The following ACACA variants were observed in gnomAD, a reference collection of about 807,000 sequenced individuals.
The protein encoded by ACACA is acetyl-CoA carboxylase alpha, also known as acetyl-CoA carboxylase 1.
Under a neutral mutation model 296.1 loss-of-function variants are expected in ACACA, and 103 were observed. The ratio of observed to expected loss-of-function variants is 0.35; its 90% CI spans 0.30 to 0.41. ACACA has a LOEUF of 0.41. ACACA is among the 10% of genes least tolerant of loss of function. The pLI is 1.00. For synonymous variants in ACACA, 953 were observed against 1,038.6 expected (o/e 0.92, Z 1.58); for missense variants, 1,554 against 2,989.7 (o/e 0.52, Z 11.20).
At position 37,275,310 on chromosome 17, in the gene ACACA, A is replaced by G. The variant is rs1273147553; in HGVS notation, c.901+641T>C. On this transcript the variant is annotated intron_variant, in intron 8 of 55. Transcript: ENST00000616317. Reference sequence around the variant, plus strand: ...CAGGAGTTCAACACCAGCCTGGCCAAGATGGTGAAAGCCTGTCTCTACAAA... The same window carrying G: ...CAGGAGTTCAACACCAGCCTGGCCAGGATGGTGAAAGCCTGTCTCTACAAA... Among the ~76,000 whole-genome samples, 5 of 152,136 alleles carry G rather than the reference A, an allele frequency of 3.3e-5. No individual in the cohort carries two copies. The East Asian group carries it at 9.7e-4, about 29-fold the overall frequency.
chr17:37,329,935 C>T (rs1489744516), intron 3 of ACACA, among the ~76,000 whole-genome samples: 1 of 151,516 alleles, frequency 6.6e-6, no homozygotes, highest in African/African-American at 2.4e-5. Context: ...AGCAAGACTC[C>T]GTCTCAAAAA....
At position 37,085,991 on chromosome 17, in the gene ACACA, G is replaced by T. The variant is rs2072172192; in HGVS notation, c.*1325C>A. On this transcript the variant is annotated 3_prime_UTR_variant, in exon 56 of 56. Transcript: ENST00000616317. ...AGAGGAATCAGTAAGTTCTTTTCTT[G>T]AATAAACTAGTTGTTGAAAGTAAAC... The T allele has an allele frequency of 2.6e-6, 1 of 387,796 alleles. No homozygotes were observed. The highest frequency in any genetic ancestry group is 4.6e-6 in the Non-Finnish European group (1 of 218,904). The allele number at this position is 387,796 out of a possible 1,614,324, so 24.0% of individuals were successfully genotyped here.
Position 37,086,943 on chromosome 17 carries a change from T to G in ACACA, c.*373A>C. On this transcript the variant is annotated 3_prime_UTR_variant, in exon 56 of 56. Coordinates refer to ENST00000616317, the MANE Select transcript of ACACA (RefSeq NM_198834.3). ...GGGGGGCTGCTCACTGCTGGGCAACTCCTCACGCTTCCCCATGCTGGGAGG... is the reference window on the plus strand; with the variant it reads ...GGGGGGCTGCTCACTGCTGGGCAACGCCTCACGCTTCCCCATGCTGGGAGG... 2.9e-6 allele frequency: 1 copy of G among 346,614 alleles called. No homozygotes were observed. The highest frequency in any genetic ancestry group is 5.6e-6 in the Non-Finnish European group (1 of 178,614). The allele number at this position is 346,614 out of a possible 1,614,324, so 21.5% of individuals were successfully genotyped here.
At chr17:37,294,996 C>T (rs2083260479) in intron 3 of ACACA, among the ~76,000 whole-genome samples, 1 of 152,214 alleles carries the variant, frequency 6.6e-6, no homozygotes, top group African/African-American at 2.4e-5. Context: ...CTTCCTGTTC[C>T]ACTAGAGTGA....
At chr17:37,352,282 A>C (rs146449457) in intron 1 of ACACA, among the ~76,000 whole-genome samples, 61 of 152,272 alleles carry the variant, frequency 4.0e-4, no homozygotes, top group Non-Finnish European at 7.4e-4. Flanking sequence ...ACATAAACTA[A>C]GTCGTTATTT....
At chr17:37,186,097 G>C (rs2077520809) in intron 39 of ACACA, among the ~76,000 whole-genome samples, 1 of 152,178 alleles carries the variant, frequency 6.6e-6, no homozygotes, top group Non-Finnish European at 1.5e-5. Context: ...GATAGTAATA[G>C]GAGTTCCTGA....
In ACACA at chr17:37,151,415, C is replaced by T. The variant is rs2076032563; in HGVS notation, c.5454G>A (p.Lys1818=). Residue 1818 remains lysine, a synonymous_variant, in exon 44 of 56, where the codon AAG becomes AAA. Transcript: ENST00000616317. The stretch of plus-strand genomic sequence containing the variant: ...CTTCTTTCCCAATAATATCTGTTAT[C>T]TTGTACCTATTGGATATGGCCATGT... The part of the protein sequence containing the change: ...HVEDEGESRY[K]ITDIIGKEEG... The T allele has an allele frequency of 6.2e-7, 1 of 1,613,648 alleles. No individual in the cohort carries two copies. Among genetic ancestry groups the T allele is most frequent in the South Asian group, 1.1e-5 (1 of 91,078 alleles).
At chr17:37,202,117 G>A (rs1366214975) in intron 33 of ACACA, among the ~76,000 whole-genome samples, 2 of 152,022 alleles carry the variant, frequency 1.3e-5, no homozygotes, top group African/African-American at 4.8e-5. Context: ...AGGAAAGGAG[G>A]GGTTTCTCAG....
intron 35 of ACACA, among the ~76,000 whole-genome samples, chr17:37,199,825 T>TTA (rs1332080677): frequency 6.8e-6 from 1 of 147,726 alleles, no homozygotes; most frequent in Non-Finnish European, 1.5e-5. Context: ...ATTATAGGGT[T>TTA]AAAAAAAAAA....
At chr17:37,126,753 T>C (rs1310673691) in intron 47 of ACACA, among the ~76,000 whole-genome samples, 2 of 152,238 alleles carry the variant, frequency 1.3e-5, no homozygotes, top group Non-Finnish European at 2.9e-5. Context: ...GTAATTACTG[T>C]GTTCTACATT....
chr17:37,383,552 CTATT>C (rs1386999399), intron 1 of ACACA, among the ~76,000 whole-genome samples: 1 of 152,002 alleles, frequency 6.6e-6, no homozygotes, highest in Non-Finnish European at 1.5e-5. Context: ...CCCAAAAAAC[CTATT>C]TATTTATTTG....
chr17:37,172,299 A>C (rs183869387), intron 41 of ACACA, among the ~76,000 whole-genome samples: 1 of 152,294 alleles, frequency 6.6e-6, no homozygotes, highest in Non-Finnish European at 1.5e-5. Flanking sequence ...ACTGAGCCTC[A>C]TTTTGCTATC....
intron 3 of ACACA, among the ~76,000 whole-genome samples, chr17:37,326,327 G>C (rs2147180812): frequency 6.6e-6 from 1 of 152,100 alleles, no homozygotes; most frequent in South Asian, 2.1e-4. Flanking sequence ...CCTGAGGTTG[G>C]GAGTTCGAGT....
intron 54 of ACACA, 117 bp downstream of exon 54, chr17:37,096,879 T>A: frequency 1.6e-6 from 2 of 1,235,916 alleles, no homozygotes; most frequent in Non-Finnish European, 1.2e-6. Context: ...TGGATCTCTA[T>A]GTTTCCCTTC....
In ACACA at chr17:37,113,037, C is replaced by T. The variant is rs2074062518; in HGVS notation, c.6452+51G>A. ...GTAACATTCTCCAGGAGGAAACCAA[C>T]AGCTACAGGGTCCCTAAAGGCAGTG... On this transcript the variant is annotated intron_variant, in intron 51 of 55. Transcript: ENST00000616317. The surrounding 1 kb of genome is among the most constrained non-coding windows in gnomAD (Gnocchi z 4.0). The T allele has an allele frequency of 8.7e-6, 14 of 1,608,448 alleles. No homozygotes were observed. The highest frequency in any genetic ancestry group is 1.2e-5 in the Non-Finnish European group (14 of 1,176,210).
chr17:37,114,270 G>T (rs2074126911), intron 50 of ACACA, among the ~76,000 whole-genome samples: 1 of 152,108 alleles, frequency 6.6e-6, no homozygotes, highest in Non-Finnish European at 1.5e-5. Flanking sequence ...GACTGGGAAT[G>T]GTAGCTCACA....
At chr17:37,281,507 T>C (rs1338856525) in intron 5 of ACACA, among the ~76,000 whole-genome samples, 1 of 152,218 alleles carries the variant, frequency 6.6e-6, no homozygotes, top group African/African-American at 2.4e-5. Context: ...CTTATTCAAC[T>C]GTCAATCTCC....
At chr17:37,225,506 T>G (rs1000569436) in intron 26 of ACACA, 2 of 201,034 alleles carry the variant, frequency 9.9e-6, no homozygotes, top group Non-Finnish European at 2.0e-5. Context: ...AGCTAGCCTT[T>G]TACAACTCTG....
Position 37,085,779 on chromosome 17 carries a change from T to C in ACACA, c.*1537A>G, listed in dbSNP as rs1005159252. 5.0e-6 allele frequency: 2 copies of C among 399,134 alleles called. No individual in the cohort carries two copies. Among genetic ancestry groups the C allele is most frequent in the Non-Finnish European group, 8.8e-6 (2 of 226,162 alleles). The allele number at this position is 399,134 out of a possible 1,614,324, so 24.7% of individuals were successfully genotyped here. A position where few individuals can be genotyped will look rare whatever the true frequency, so the allele number is the denominator to read the frequency against. On this transcript the variant is annotated 3_prime_UTR_variant, in exon 56 of 56. Coordinates refer to ENST00000616317, the MANE Select transcript of ACACA (RefSeq NM_198834.3). ...CCTCCTGAAGAAGGGGAGGTGGAGC[T>C]CGTTCTTGTGTGCAAACTACAGGGT... is the stretch of plus-strand genomic sequence containing the variant.
Sources: gnomAD v4.1 joint callset for allele counts (sites outside exome capture counted in the v4.1 genomes callset) on GRCh38, gnomAD v4.1.1 for gene constraint, Gnocchi (gnomAD v3.1) non-coding constraint, MANE v1.5 for transcripts, NCBI Gene and HGNC (gene_info 2026-07-23, HGNC 2026-07-21) for gene names.